The following GPATCH2 variants were observed in gnomAD, a reference collection of about 807,000 sequenced individuals.
The protein encoded by GPATCH2 is G-patch domain containing 2.
A neutral mutation model predicts 58.0 loss-of-function variants in GPATCH2; 51 were observed. The observed-to-expected ratio is 0.88, with a 90% CI of 0.70 to 1.11. GPATCH2 has a LOEUF of 1.11. Among genes scored for constraint, GPATCH2 ranks in the 50% most tolerant of loss-of-function variants. The pLI is 0.00. For missense variants in GPATCH2, 625 were observed against 652.2 expected, an observed-to-expected ratio of 0.96 and a Z score of 0.45; for synonymous variants, 222 against 218.5, an observed-to-expected ratio of 1.02 and a Z score of -0.14.
At chr1:217,539,688 A>G (rs1298039292) in intron 5 of GPATCH2, among the ~76,000 whole-genome samples, 1 of 152,230 alleles carries the variant, frequency 6.6e-6, no homozygotes, top group African/African-American at 2.4e-5. Flanking sequence ...GGAGTAATAC[A>G]TAATAAATCT....
intron 5 of GPATCH2, among the ~76,000 whole-genome samples, chr1:217,522,283 A>G (rs1663505170): frequency 6.6e-6 from 1 of 152,196 alleles, no homozygotes; most frequent in South Asian, 2.1e-4. Flanking sequence ...AAAGATCTAA[A>G]TGCTTTCACA....
chr1:217,464,590 A>G (rs1285569299), intron 8 of GPATCH2, among the ~76,000 whole-genome samples: 1 of 152,316 alleles, frequency 6.6e-6, no homozygotes. Flanking sequence ...CCCAGGATAA[A>G]AAACCCACAC....
intron 8 of GPATCH2, among the ~76,000 whole-genome samples, chr1:217,489,461 C>T (rs1661614427): frequency 6.6e-6 from 1 of 152,202 alleles, no homozygotes; most frequent in Non-Finnish European, 1.5e-5. Flanking sequence ...TAACTATAAT[C>T]GCCAACCCTG....
rs989116899 is a variant in GPATCH2, at chr1:217,624,788, G to T, written c.57-4289C>A. 2.0e-5 allele frequency among the ~76,000 whole-genome samples: 3 copies of T among 152,152 alleles called. No homozygotes were observed. In the East Asian group the frequency reaches 5.8e-4, roughly 29 times the overall value. Reference sequence around the variant, plus strand: ...AGTGAATGTACCACTTAACTAATTTGAGATTTTTATATTCATAATTGTAAG... The same window carrying T: ...AGTGAATGTACCACTTAACTAATTTTAGATTTTTATATTCATAATTGTAAG... On this transcript the variant is annotated intron_variant, in intron 1 of 9. Coordinates refer to ENST00000366935, the MANE Select transcript of GPATCH2 (RefSeq NM_018040.5).
chr1:217,600,134 G>T (rs957574843), intron 5 of GPATCH2, among the ~76,000 whole-genome samples: 1 of 152,122 alleles, frequency 6.6e-6, no homozygotes, highest in Non-Finnish European at 1.5e-5. Context: ...CTAAGAGGAA[G>T]ATTAATGGCA....
At position 217,433,382 on chromosome 1, in the gene GPATCH2, A is replaced by ATATTTATT. The variant is rs71967714; in HGVS notation, c.1367-2025_1367-2018dup. ...TGTTCATATATATATATATATATAT[A>ATATTTATT]TATTTATTTATTTATTTATTTATTT... On this transcript the variant is annotated intron_variant, in intron 9 of 9. Coordinates refer to ENST00000366935, the MANE Select transcript of GPATCH2 (RefSeq NM_018040.5). Among the ~76,000 whole-genome samples, 8 of 78,708 alleles carry ATATTTATT rather than the reference A, an allele frequency of 1.0e-4. No homozygotes were observed. In the East Asian group the frequency reaches 1.4e-3, roughly 14 times the overall value. The allele number at this position is 78,708 out of a possible 152,430, so 51.6% of individuals were successfully genotyped here. A position where few individuals can be genotyped will look rare whatever the true frequency, so the allele number is the denominator to read the frequency against.
chr1:217,616,862 G>A (rs886556432), intron 2 of GPATCH2, among the ~76,000 whole-genome samples: 4 of 151,950 alleles, frequency 2.6e-5, no homozygotes, highest in East Asian at 3.9e-4. Context: ...TATATTTTCC[G>A]TAGAGTCCTC....
intron 5 of GPATCH2, among the ~76,000 whole-genome samples, chr1:217,522,066 ATAGT>A (rs1192614793): frequency 6.6e-6 from 1 of 152,228 alleles, no homozygotes; most frequent in Non-Finnish European, 1.5e-5. Context: ...ACATACACAT[ATAGT>A]TGTATGTATG....
chr1:217,604,982 C>T (rs1668287149), intron 5 of GPATCH2, among the ~76,000 whole-genome samples: 1 of 151,926 alleles, frequency 6.6e-6, no homozygotes, highest in South Asian at 2.1e-4. Context: ...CTGAGATCTG[C>T]CACTGCACTC....
At chr1:217,612,037 G>A (rs996863120) in intron 3 of GPATCH2, among the ~76,000 whole-genome samples, 30 of 151,918 alleles carry the variant, frequency 2.0e-4, no homozygotes, top group African/African-American at 5.6e-4. Context: ...AAAATTAGCC[G>A]GGCATGATGA....
intron 3 of GPATCH2, 113 bp from the exon 4 acceptor site, chr1:217,611,184 A>G (rs1350460401): frequency 8.5e-6 from 8 of 941,004 alleles, no homozygotes; most frequent in Non-Finnish European, 1.3e-5. Context: ...TTTGAATTTG[A>G]GATCAATGAC....
At chr1:217,624,275 T>C (rs1669341290) in intron 1 of GPATCH2, among the ~76,000 whole-genome samples, 1 of 152,098 alleles carries the variant, frequency 6.6e-6, no homozygotes, top group South Asian at 2.1e-4. Flanking sequence ...CCCAGCACTT[T>C]GGGAGGCTGA....
chr1:217,615,859 T>C (rs760779654), intron 2 of GPATCH2, among the ~76,000 whole-genome samples: 2 of 152,154 alleles, frequency 1.3e-5, no homozygotes, highest in Non-Finnish European at 2.9e-5. Flanking sequence ...CAAAGCATTA[T>C]GAATTGATGT....
intron 9 of GPATCH2, among the ~76,000 whole-genome samples, chr1:217,440,335 T>A (rs1571702773): frequency 6.6e-6 from 1 of 152,150 alleles, no homozygotes. Flanking sequence ...AAACTCTCAA[T>A]AAACTAGGTA....
Position 217,567,052 on chromosome 1 carries a change from T to TG in GPATCH2, c.1098+43268_1098+43269insC, listed in dbSNP as rs1440694929. On this transcript the variant is annotated intron_variant, in intron 5 of 9. Transcript: ENST00000366935. Reference sequence around the variant, plus strand: ...CAGCAAATATAACTTCTGGCTTTTTTTTTTTTTTTTTGAGACGGAGTTTTG... The same window carrying TG: ...CAGCAAATATAACTTCTGGCTTTTTTGTTTTTTTTTTTGAGACGGAGTTTTG... Among the ~76,000 whole-genome samples the TG allele has an allele frequency of 2.6e-5, 4 of 150,990 alleles. 1 individual carries two copies. Among genetic ancestry groups the TG allele is most frequent in the Admixed American group, 2.0e-4 (3 of 15,152 alleles).
intron 5 of GPATCH2, among the ~76,000 whole-genome samples, chr1:217,519,588 C>T (rs944981402): frequency 2.0e-5 from 3 of 152,168 alleles, no homozygotes; most frequent in Non-Finnish European, 4.4e-5. Context: ...TACCAACGTG[C>T]CAAATTCAAC....
chr1:217,617,547 C>A (rs1265401501), intron 2 of GPATCH2, among the ~76,000 whole-genome samples: 1 of 151,986 alleles, frequency 6.6e-6, no homozygotes, highest in Non-Finnish European at 1.5e-5. Flanking sequence ...CACACACAGC[C>A]CCCCACACTG....
At chr1:217,490,492 T>C (rs1282606693) in intron 8 of GPATCH2, among the ~76,000 whole-genome samples, 2 of 152,218 alleles carry the variant, frequency 1.3e-5, no homozygotes, top group African/African-American at 4.8e-5. Flanking sequence ...TCAAGGACTA[T>C]GATTGATTGT....
chr1:217,534,383 C>T (rs1664362031), intron 5 of GPATCH2, among the ~76,000 whole-genome samples: 1 of 152,102 alleles, frequency 6.6e-6, no homozygotes, highest in African/African-American at 2.4e-5. Context: ...AAACACTAGA[C>T]TGTAATTTAA....
Sources: gnomAD v4.1 joint callset for allele counts (sites outside exome capture counted in the v4.1 genomes callset) on GRCh38, gnomAD v4.1.1 for gene constraint, MANE v1.5 for transcripts, NCBI Gene and HGNC (gene_info 2026-07-23, HGNC 2026-07-21) for gene names.